The following IQGAP2 variants were observed in gnomAD, a reference collection of about 807,000 sequenced individuals.
IQGAP2 encodes the protein ras GTPase-activating-like protein IQGAP2.
Under a neutral mutation model 201.3 loss-of-function variants are expected in IQGAP2, and 173 were observed. That is an observed-to-expected ratio of 0.86 (90% confidence interval 0.76 to 0.98). IQGAP2 has a LOEUF of 0.98. Among genes scored for constraint, IQGAP2 ranks in the 50% least tolerant of loss-of-function variants. IQGAP2 has a pLI of 0.00. For synonymous variants in IQGAP2, 675 were observed against 673.9 expected (o/e 1.00, Z -0.03); for missense variants, 1,687 against 1,864.8 (o/e 0.90, Z 1.76).
chr5:76,597,386 G>T (rs1747107164), intron 9 of IQGAP2, 53 bp from the exon 10 acceptor site: 2 of 1,583,242 alleles, frequency 1.3e-6, no homozygotes, highest in African/African-American at 1.4e-5. Context: ...GGTTGGGTGA[G>T]ACTGCAGTGG....
At chr5:76,699,313 G>T (rs982021128) in intron 33 of IQGAP2, 1 of 152,150 alleles carries the variant, frequency 6.6e-6, no homozygotes, top group East Asian at 1.9e-4. Context: ...TTTTAGGGCC[G>T]AATAGTATTC....
At chr5:76,678,212 A>C (rs1215266807) in intron 28 of IQGAP2, among the ~76,000 whole-genome samples, 1 of 152,212 alleles carries the variant, frequency 6.6e-6, no homozygotes, top group Non-Finnish European at 1.5e-5. Context: ...TCTGCAAAGA[A>C]TCACTTCCAT....
At chr5:76,523,965 C>T (rs1425189453) in intron 2 of IQGAP2, among the ~76,000 whole-genome samples, 1 of 152,102 alleles carries the variant, frequency 6.6e-6, no homozygotes, top group East Asian at 1.9e-4. Context: ...GTCCATTACC[C>T]TGTGACCTTT....
rs763082062 is a variant in IQGAP2 at position 76,698,383 on chromosome 5, T to C, written c.4367+236T>C. Among the ~76,000 whole-genome samples the C allele has an allele frequency of 1.4e-4, 22 of 152,366 alleles. 1 individual carries two copies. Among genetic ancestry groups the C allele is most frequent in the Admixed American group, 3.3e-4 (5 of 15,308 alleles). ...TTAAAGTGGCTTACCTGTTGTATAT[T>C]GAGCAAATAGCATTAGTAAGTTAGG... is the stretch of plus-strand genomic sequence containing the variant. On this transcript the variant is annotated intron_variant, in intron 33 of 35. Transcript: ENST00000274364.
intron 17 of IQGAP2, among the ~76,000 whole-genome samples, chr5:76,644,667 A>G (rs421226): frequency 0.62 from 93,882 of 151,800 alleles, 29,203 homozygotes; most frequent in South Asian, 0.78. Context: ...ATTTGCTTAT[A>G]ATAAACAGCC....
intron 23 of IQGAP2, among the ~76,000 whole-genome samples, chr5:76,669,481 A>G (rs758024408): frequency 2.4e-4 from 36 of 152,326 alleles, no homozygotes; most frequent in Non-Finnish European, 4.6e-4. Context: ...TGTGGTAAGT[A>G]CTAAATGAAG....
At chr5:76,623,328 C>G in intron 13 of IQGAP2, 1 of 1,428,752 alleles carries the variant, frequency 7.0e-7, no homozygotes, top group South Asian at 1.2e-5. Context: ...CAAATGGAAG[C>G]CTTGGTCTGT....
chr5:76,590,604 A>G lies in IQGAP2; in HGVS notation c.819+18A>G, dbSNP rs1285339652. ...GACTGAAGGTGCTTAGATTCTGAGT[A>G]ATAAAAACAGTAATGAATGTGCTTA... On this transcript the variant is annotated intron_variant, in intron 8 of 35. Coordinates refer to ENST00000274364, the MANE Select transcript of IQGAP2 (RefSeq NM_006633.5). 1 of 1,580,644 alleles carries G rather than the reference A, an allele frequency of 6.3e-7. No homozygotes were observed. The highest frequency in any genetic ancestry group is 8.6e-7 in the Non-Finnish European group (1 of 1,163,054).
At chr5:76,445,419 G>T (rs1753318428) in intron 1 of IQGAP2, among the ~76,000 whole-genome samples, 1 of 151,574 alleles carries the variant, frequency 6.6e-6, no homozygotes, top group South Asian at 2.1e-4. Flanking sequence ...TATAGAACAT[G>T]CTATACAAAC....
At chr5:76,483,642 C>A (rs760069153) in intron 2 of IQGAP2, among the ~76,000 whole-genome samples, 16 of 152,158 alleles carry the variant, frequency 1.1e-4, no homozygotes, top group Non-Finnish European at 2.1e-4. Flanking sequence ...TCCTGGCCAC[C>A]CGGAGCACTG....
intron 17 of IQGAP2, among the ~76,000 whole-genome samples, chr5:76,645,598 C>T (rs915368621): frequency 6.6e-6 from 1 of 151,994 alleles, no homozygotes; most frequent in African/African-American, 2.4e-5. Flanking sequence ...CTCTGATGAC[C>T]AGTGATGATG....
chr5:76,598,946 A>G (rs1193394623), intron 10 of IQGAP2, among the ~76,000 whole-genome samples: 1 of 152,230 alleles, frequency 6.6e-6, no homozygotes, highest in African/African-American at 2.4e-5. Flanking sequence ...ATATAGCATT[A>G]TCTTGTTTTT....
intron 5 of IQGAP2, 42 bp from the exon 6 acceptor site, chr5:76,588,864 T>C (rs749170197): frequency 2.5e-6 from 3 of 1,212,082 alleles, no homozygotes; most frequent in South Asian, 2.5e-5. Context: ...TTAAGACTTA[T>C]GATGATAAAA....
chr5:76,630,573 G>T (rs1456368540), intron 14 of IQGAP2, among the ~76,000 whole-genome samples: 1 of 152,148 alleles, frequency 6.6e-6, no homozygotes, highest in Non-Finnish European at 1.5e-5. Context: ...CAAGAAATGT[G>T]TGCCTTTTGT....
At chr5:76,636,491 T>C (rs1751137828) in intron 15 of IQGAP2, among the ~76,000 whole-genome samples, 1 of 152,232 alleles carries the variant, frequency 6.6e-6, no homozygotes, top group East Asian at 1.9e-4. Context: ...AATTTTCTTT[T>C]TCCCCACTTT....
chr5:76,532,876 A>T (rs763517114), intron 2 of IQGAP2, among the ~76,000 whole-genome samples: 1 of 152,214 alleles, frequency 6.6e-6, no homozygotes, highest in African/African-American at 2.4e-5. Flanking sequence ...GCAGCTAGCC[A>T]CACTGCCTCT....
intron 22 of IQGAP2, among the ~76,000 whole-genome samples, chr5:76,668,335 C>A (rs1223476999): frequency 1.3e-5 from 2 of 151,564 alleles, no homozygotes; most frequent in Non-Finnish European, 2.9e-5. Flanking sequence ...CATTTAAATC[C>A]TATCATAATT....
At chr5:76,431,970 CTCA>C (rs1752394760) in intron 1 of IQGAP2, among the ~76,000 whole-genome samples, 1 of 151,760 alleles carries the variant, frequency 6.6e-6, no homozygotes, top group Admixed American at 6.6e-5. Context: ...GGTAGACATA[CTCA>C]TGTTGGGTTG....
At chr5:76,631,169 T>C (rs1750675412) in intron 14 of IQGAP2, among the ~76,000 whole-genome samples, 1 of 152,164 alleles carries the variant, frequency 6.6e-6, no homozygotes, top group Non-Finnish European at 1.5e-5. Flanking sequence ...AAAACTCTAG[T>C]CCTATCGATT....
Sources: gnomAD v4.1 joint callset for allele counts (sites outside exome capture counted in the v4.1 genomes callset) on GRCh38, gnomAD v4.1.1 for gene constraint, MANE v1.5 for transcripts, NCBI Gene and HGNC (gene_info 2026-07-23, HGNC 2026-07-21) for gene names.